The following PTER variants were observed in gnomAD, a reference collection of about 807,000 sequenced individuals.
The protein encoded by PTER is N-acetyltaurine hydrolase.
In PTER, 38 loss-of-function variants were observed where a neutral mutation model predicts 29.6. The ratio of observed to expected loss-of-function variants is 1.28; its 90% CI spans 0.99 to 1.68. The LOEUF (loss-of-function observed/expected upper bound fraction) is 1.68, where lower values mean the gene tolerates loss of function less well. PTER is among the 40% of genes most tolerant of loss of function. The pLI is 0.00. For missense variants in PTER, 482 were observed against 427.8 expected, an observed-to-expected ratio of 1.13 and a Z score of -1.12; for synonymous variants, 172 against 154.5, an observed-to-expected ratio of 1.11 and a Z score of -0.84.
intron 1 of PTER, among the ~76,000 whole-genome samples, chr10:16,440,833 T>A (rs1464627389): frequency 6.6e-6 from 1 of 152,190 alleles, no homozygotes; most frequent in Admixed American, 6.5e-5. Context: ...GACCCTGAGA[T>A]TCGGGGATTT....
chr10:16,442,387 G>A (rs1288021258), intron 1 of PTER, among the ~76,000 whole-genome samples: 2 of 152,284 alleles, frequency 1.3e-5, no homozygotes, highest in South Asian at 2.1e-4. Context: ...GATAAAGCCC[G>A]ACCATGTAAT....
Position 16,486,357 on chromosome 10 carries a change from C to A in PTER, c.438C>A (p.Thr146=). The change falls in exon 3 of 5, where the codon ACC becomes ACA. Residue 146 remains threonine, a synonymous_variant. Transcript: ENST00000535784. The part of the protein sequence containing the change: ...ETRAMSVEQL[T]DVLMNEILHG... Reference sequence around the variant, plus strand: ...TCCTTCTCACTCTTCCTTAGCTTACCGATGTCCTTATGAATGAAATTCTCC... The same window carrying A: ...TCCTTCTCACTCTTCCTTAGCTTACAGATGTCCTTATGAATGAAATTCTCC... The A allele has an allele frequency of 6.2e-7, 1 of 1,612,686 alleles. No homozygotes were observed. Among genetic ancestry groups the A allele is most frequent in the Non-Finnish European group, 8.5e-7 (1 of 1,178,950 alleles).
chr10:16,487,168 G>A (rs1301989921), intron 3 of PTER, among the ~76,000 whole-genome samples: 1 of 152,208 alleles, frequency 6.6e-6, no homozygotes, highest in Non-Finnish European at 1.5e-5. Flanking sequence ...GTAGTATCAT[G>A]CATTAGTTTC....
chr10:16,505,287 A>G (rs1836519826), intron 4 of PTER, 127 bp downstream of exon 4: 1 of 1,201,906 alleles, frequency 8.3e-7, no homozygotes, highest in East Asian at 2.4e-5. Context: ...GCAGAGAAAA[A>G]TATATCTATG....
chr10:16,500,608 T>G (rs114793477), intron 3 of PTER, among the ~76,000 whole-genome samples: 3,342 of 152,340 alleles, frequency 0.022, 116 homozygotes, highest in African/African-American at 0.077. Flanking sequence ...AGTGTTAGTC[T>G]TCCTCTAGAA....
At chr10:16,458,678 G>T (rs1179740601) in intron 1 of PTER, among the ~76,000 whole-genome samples, 1 of 152,206 alleles carries the variant, frequency 6.6e-6, no homozygotes, top group Non-Finnish European at 1.5e-5. Flanking sequence ...AAGCTTAGAA[G>T]TATCTAGAAA....
chr10:16,457,569 A>G (rs991793359), intron 1 of PTER, among the ~76,000 whole-genome samples: 1 of 150,934 alleles, frequency 6.6e-6, no homozygotes, highest in African/African-American at 2.4e-5. Flanking sequence ...AGTTACTCTC[A>G]CCGCTATGTA....
intron 1 of PTER, among the ~76,000 whole-genome samples, chr10:16,441,898 T>C (rs1322509646): frequency 1.3e-5 from 2 of 152,192 alleles, no homozygotes; most frequent in Non-Finnish European, 2.9e-5. Context: ...CTTTTTTTTT[T>C]TCCTGTTCCC....
At chr10:16,503,299 T>A (rs1836435160) in intron 3 of PTER, among the ~76,000 whole-genome samples, 1 of 151,800 alleles carries the variant, frequency 6.6e-6, no homozygotes, top group African/African-American at 2.4e-5. Context: ...CGATCTCAGC[T>A]CACTGCAACC....
chr10:16,514,367 T>C (rs1380671483), downstream of PTER: 7 of 612,988 alleles, frequency 1.1e-5, no homozygotes, highest in Admixed American at 9.1e-5. Flanking sequence ...TACATAATGT[T>C]TCTGAGTGAT....
At chr10:16,473,767 T>C (rs116095960) in intron 1 of PTER, among the ~76,000 whole-genome samples, 3,456 of 152,112 alleles carry the variant, frequency 0.023, 136 homozygotes, top group African/African-American at 0.078. Flanking sequence ...CCAAAATACC[T>C]CCAAAGCCAA....
intron 3 of PTER, among the ~76,000 whole-genome samples, chr10:16,501,915 C>A (rs1458592802): frequency 6.6e-6 from 1 of 152,182 alleles, no homozygotes; most frequent in Non-Finnish European, 1.5e-5. Context: ...ACATATAATG[C>A]ACTTTGCACA....
Position 16,486,537 on chromosome 10 carries a change from C to T in PTER, c.618C>T (p.Ser206=), listed in dbSNP as rs866238444. The part of the protein sequence containing the change: ...CPVIIHPGRS[S]RAPFQIIRIL... Reference sequence around the variant, plus strand: ...TTATTATCCATCCTGGACGGAGCTCCAGGGCACCATTTCAGATTATCCGAA... The same window carrying T: ...TTATTATCCATCCTGGACGGAGCTCTAGGGCACCATTTCAGATTATCCGAA... Residue 206 remains serine, a synonymous_variant, in exon 3 of 5, where the codon TCC becomes TCT. Coordinates refer to ENST00000535784, the MANE Select transcript of PTER (RefSeq NM_001261836.2). The T allele has an allele frequency of 6.2e-7, 1 of 1,613,996 alleles. No homozygotes were observed. The highest frequency in any genetic ancestry group is 8.5e-7 in the Non-Finnish European group (1 of 1,179,948).
chr10:16,452,645 T>C (rs1432388248), intron 1 of PTER, among the ~76,000 whole-genome samples: 2 of 151,932 alleles, frequency 1.3e-5, no homozygotes, highest in South Asian at 2.1e-4. Context: ...CTTCTTCCTC[T>C]TCTTCTTCTC....
rs775837340 is a variant in PTER at position 16,456,859 on chromosome 10, A to AGGCG, written c.-49+19814_-49+19815insCGGG. On this transcript the variant is annotated intron_variant, in intron 1 of 4. Transcript: ENST00000535784. ...GTGGGAGGTAACTGAACCATGGGGA[A>AGGCG]GGTGGGGGGGGGTTCCGCCATGCTG... is the stretch of plus-strand genomic sequence containing the variant. 2.0e-4 allele frequency among the ~76,000 whole-genome samples: 11 copies of AGGCG among 56,134 alleles called. 1 individual carries two copies. Among genetic ancestry groups the AGGCG allele is most frequent in the African/African-American group, 1.2e-3 (11 of 8,950 alleles). The allele number at this position is 56,134 out of a possible 152,430, so 36.8% of individuals were successfully genotyped here.
chr10:16,467,629 T>C (rs1310733470), intron 1 of PTER, among the ~76,000 whole-genome samples: 1 of 152,092 alleles, frequency 6.6e-6, no homozygotes, highest in Non-Finnish European at 1.5e-5. Context: ...CTGGCCTACA[T>C]GGTGAAACGC....
At chr10:16,496,174 A>G (rs1836089554) in intron 3 of PTER, among the ~76,000 whole-genome samples, 1 of 152,204 alleles carries the variant, frequency 6.6e-6, no homozygotes, top group Non-Finnish European at 1.5e-5. Context: ...CATTTGAATT[A>G]TTATAAGTCT....
intron 1 of PTER, among the ~76,000 whole-genome samples, chr10:16,456,961 T>C (rs1588590665): frequency 2.0e-5 from 3 of 152,068 alleles, no homozygotes; most frequent in Admixed American, 2.0e-4. Flanking sequence ...GCTCTCTCAT[T>C]CTCTCTTGCC....
At chr10:16,442,880 G>A (rs1258436988) in intron 1 of PTER, among the ~76,000 whole-genome samples, 1 of 152,144 alleles carries the variant, frequency 6.6e-6, no homozygotes, top group Non-Finnish European at 1.5e-5. Flanking sequence ...GTTGAGGCAG[G>A]AGAATCGCCT....
Sources: allele counts gnomAD v4.1 joint callset (sites outside exome capture counted in the v4.1 genomes callset), GRCh38; gene constraint gnomAD v4.1.1; transcripts MANE v1.5; gene names NCBI Gene and HGNC (gene_info 2026-07-23, HGNC 2026-07-21).